PCDH11X: variants seen among roughly 807,000 people sequenced by gnomAD.
The protein encoded by PCDH11X is protocadherin-11 X-linked.
PCDH11X carries 18 observed loss-of-function variants against 53.3 expected under a neutral mutation model. The observed-to-expected ratio is 0.34, with a 90% CI of 0.23 to 0.50. PCDH11X has a LOEUF of 0.50. PCDH11X is among the 20% of genes least tolerant of loss of function. PCDH11X has a pLI of 0.98. For missense variants in PCDH11X, 570 were observed against 1,032.4 expected, an observed-to-expected ratio of 0.55 and a Z score of 6.14; for synonymous variants, 279 against 393.3, an observed-to-expected ratio of 0.71 and a Z score of 3.44.
intron 4 of PCDH11X, among the ~76,000 whole-genome samples, chrX:91,816,632 A>C (rs1485150185): frequency 9.0e-6 from 1 of 111,293 alleles, no homozygotes; most frequent in African/African-American, 3.3e-5. Context: ...ACAAAAGTAG[A>C]AATATGAGGA....
At chrX:91,947,287 G>A (rs1240731540) in intron 6 of PCDH11X, among the ~76,000 whole-genome samples, 4 of 109,122 alleles carry the variant, frequency 3.7e-5, no homozygotes, top group Non-Finnish European at 7.7e-5. Flanking sequence ...ATCTTGATGC[G>A]AAGGGCATAC....
chrX:92,560,663 T>C (rs1361350770), intron 10 of PCDH11X, among the ~76,000 whole-genome samples: 1 of 110,079 alleles, frequency 9.1e-6, no homozygotes, highest in Non-Finnish European at 1.9e-5. Flanking sequence ...ACCCATGAAC[T>C]GGCGGTGGTT....
chrX:92,392,797 A>AT (rs1251094158), intron 9 of PCDH11X, among the ~76,000 whole-genome samples: 1 of 108,378 alleles, frequency 9.2e-6, no homozygotes, highest in African/African-American at 3.3e-5. Context: ...CCATGGAAAT[A>AT]TTTTTCCCTG....
chrX:92,502,890 AAAAC>A (rs774255843), intron 10 of PCDH11X, among the ~76,000 whole-genome samples: 65 of 111,255 alleles, frequency 5.8e-4, no homozygotes, highest in East Asian at 1.1e-3. Flanking sequence ...CTGCACAGCA[AAAAC>A]AAACAAACAA....
chrX:92,481,788 A>G (rs1339341994), intron 10 of PCDH11X, among the ~76,000 whole-genome samples: 1 of 109,990 alleles, frequency 9.1e-6, no homozygotes, highest in African/African-American at 3.3e-5. Flanking sequence ...GGCTGCCCTT[A>G]CTACTTCTCT....
chrX:92,011,608 T>A (rs2062693134), intron 6 of PCDH11X, among the ~76,000 whole-genome samples: 1 of 111,427 alleles, frequency 9.0e-6, no homozygotes, highest in Non-Finnish European at 1.9e-5. Context: ...TTTATGGCCT[T>A]GAACGATTTT....
intron 6 of PCDH11X, among the ~76,000 whole-genome samples, chrX:92,039,325 C>T (rs892576294): frequency 8.9e-6 from 1 of 112,398 alleles, no homozygotes; most frequent in African/African-American, 3.2e-5. Context: ...AGGCCCTGTG[C>T]CGGTCCAGAG....
At position 92,373,058 on chromosome X, in the gene PCDH11X, A is replaced by C. The variant is rs185290117; in HGVS notation, c.3145-14677A>C. Among the ~76,000 whole-genome samples the C allele has an allele frequency of 7.9e-3, 860 of 109,374 alleles. 15 individuals are homozygous for C. Among genetic ancestry groups the C allele is most frequent in the African/African-American group, 0.028 (833 of 30,046 alleles). The allele number at this position is 109,374 out of a possible 115,157, so 95.0% of individuals were successfully genotyped here. On this transcript the variant is annotated intron_variant, in intron 8 of 10. Transcript: ENST00000682573. Reference sequence around the variant, plus strand: ...TTTAGAGACTGCTAAAAGGAAGGCAAACTTTTGCCCTTACTCTTAGGGTTT... The same window carrying C: ...TTTAGAGACTGCTAAAAGGAAGGCACACTTTTGCCCTTACTCTTAGGGTTT...
chrX:92,570,884 G>A (rs1922128493), intron 10 of PCDH11X, among the ~76,000 whole-genome samples: 1 of 109,695 alleles, frequency 9.1e-6, no homozygotes, highest in Non-Finnish European at 1.9e-5. Flanking sequence ...CATAGAAACG[G>A]TATTATGGGG....
intron 7 of PCDH11X, among the ~76,000 whole-genome samples, chrX:92,212,372 C>T (rs184453133): frequency 2.4e-4 from 27 of 110,296 alleles, no homozygotes; most frequent in Middle Eastern, 4.7e-3. Context: ...TTTTTTGAGA[C>T]GGAGTTTTGC....
intron 10 of PCDH11X, among the ~76,000 whole-genome samples, chrX:92,494,508 C>T (rs1307565631): frequency 9.1e-6 from 1 of 110,432 alleles, no homozygotes; most frequent in Non-Finnish European, 1.9e-5. Flanking sequence ...AAACAGTTGA[C>T]CTTCCACTTT....
intron 6 of PCDH11X, among the ~76,000 whole-genome samples, chrX:92,111,571 T>C (rs1300286401): frequency 9.0e-6 from 1 of 110,625 alleles, no homozygotes; most frequent in African/African-American, 3.3e-5. Flanking sequence ...CAGCATTTAT[T>C]TATCCAGTTT....
Position 92,114,468 on chromosome X carries a change from G to T in PCDH11X, c.3034-86907G>T, listed in dbSNP as rs867836468. The T allele has an allele frequency of 2.1e-5, 13 of 606,912 alleles. No individual in the cohort carries two copies. The South Asian group carries it at 2.2e-4, about 10-fold the overall frequency. 50.0% of individuals were successfully genotyped at this position (606,912 alleles called of 1,213,427 possible). A position where few individuals can be genotyped will look rare whatever the true frequency, so the allele number is the denominator to read the frequency against. On this transcript the variant is annotated intron_variant, in intron 6 of 10. Coordinates refer to ENST00000682573, the MANE Select transcript of PCDH11X (RefSeq NM_032968.5). ...AATCCTGGCTTACAGACATGATCCTGAGAAACTAGCCTTTTTATCTATTTT... is the reference window on the plus strand; with the variant it reads ...AATCCTGGCTTACAGACATGATCCTTAGAAACTAGCCTTTTTATCTATTTT...
At chrX:91,820,990 C>T (rs201189626) in intron 4 of PCDH11X, among the ~76,000 whole-genome samples, 183 of 108,028 alleles carry the variant, frequency 1.7e-3, no homozygotes, top group East Asian at 0.015. Context: ...CGTAGATATG[C>T]GGCGTTATTT....
intron 7 of PCDH11X, among the ~76,000 whole-genome samples, chrX:92,227,911 C>A (rs972953614): frequency 9.3e-6 from 1 of 106,969 alleles, no homozygotes; most frequent in African/African-American, 3.4e-5. Context: ...AAGACTATAT[C>A]TTTGAAAGTG....
At chrX:92,146,748 C>G (rs2148225938) in intron 6 of PCDH11X, among the ~76,000 whole-genome samples, 1 of 111,286 alleles carries the variant, frequency 9.0e-6, no homozygotes, top group East Asian at 2.8e-4. Context: ...CCTATAATCC[C>G]AGCACTTTGG....
At chrX:92,271,528 C>T (rs983948062) in intron 8 of PCDH11X, among the ~76,000 whole-genome samples, 1 of 111,919 alleles carries the variant, frequency 8.9e-6, no homozygotes, top group Non-Finnish European at 1.9e-5. Context: ...CCCAAGAGAA[C>T]CTCATTAGTT....
At position 91,998,426 on chromosome X, in the gene PCDH11X, G is replaced by T. The variant is rs183809048; in HGVS notation, c.3033+119153G>T. 4.1e-3 allele frequency among the ~76,000 whole-genome samples: 451 copies of T among 108,736 alleles called. 1 individual carries two copies. Among genetic ancestry groups the T allele is most frequent in the African/African-American group, 0.014 (431 of 29,857 alleles). 94.4% of individuals were successfully genotyped at this position (108,736 alleles called of 115,157 possible). A position where few individuals can be genotyped will look rare whatever the true frequency, so the allele number is the denominator to read the frequency against. On this transcript the variant is annotated intron_variant, in intron 6 of 10. Coordinates refer to ENST00000682573, the MANE Select transcript of PCDH11X (RefSeq NM_032968.5). ...ATTTTATTTATTTGAGTCTTCTCTTGTTTTCTTAGTCTAGCTAAAAGATTG... is the reference window on the plus strand; with the variant it reads ...ATTTTATTTATTTGAGTCTTCTCTTTTTTTCTTAGTCTAGCTAAAAGATTG...
At chrX:92,008,731 T>C (rs973537909) in intron 6 of PCDH11X, among the ~76,000 whole-genome samples, 3 of 110,041 alleles carry the variant, frequency 2.7e-5, no homozygotes, top group Non-Finnish European at 3.8e-5. Context: ...CTGTCTCCCT[T>C]GTATATTTCC....
Sources: allele counts gnomAD v4.1 joint callset (sites outside exome capture counted in the v4.1 genomes callset), GRCh38; gene constraint gnomAD v4.1.1; transcripts MANE v1.5; gene names NCBI Gene and HGNC (gene_info 2026-07-23, HGNC 2026-07-21).